The following RELN variants were observed in gnomAD, a reference collection of about 807,000 sequenced individuals.
RELN encodes reelin.
In RELN, 108 loss-of-function variants were observed where a neutral mutation model predicts 427.6. The ratio of observed to expected loss-of-function variants is 0.25; its 90% CI spans 0.22 to 0.30. The LOEUF (loss-of-function observed/expected upper bound fraction) is 0.30, where lower values mean the gene tolerates loss of function less well. RELN is among the 10% of genes least tolerant of loss of function. The probability of loss-of-function intolerance (pLI) is 1.00; values close to 1 mark genes in which losing one functional copy is unlikely to be tolerated. For synonymous variants in RELN, 1,524 were observed against 1,513.4 expected (o/e 1.01, Z -0.16); for missense variants, 3,715 against 4,302.8 (o/e 0.86, Z 3.82).
chr7:103,816,530 A>AAC (rs57873981), intron 3 of RELN, among the ~76,000 whole-genome samples: 40,911 of 143,528 alleles, frequency 0.29, 6,117 homozygotes, highest in Middle Eastern at 0.46. Flanking sequence ...TTTCTCTAGA[A>AAC]ACACACACAC....
At chr7:103,970,727 T>C (rs555844196) in intron 1 of RELN, among the ~76,000 whole-genome samples, 1 of 152,368 alleles carries the variant, frequency 6.6e-6, no homozygotes, top group East Asian at 1.9e-4. Context: ...TATGTATTGA[T>C]GCTTTGATGA....
At chr7:103,967,975 T>G (rs1185657613) in intron 1 of RELN, among the ~76,000 whole-genome samples, 1 of 151,304 alleles carries the variant, frequency 6.6e-6, no homozygotes, top group East Asian at 1.9e-4. Flanking sequence ...TGGGTTTGAT[T>G]TTCAAGTACA....
intron 28 of RELN, 134 bp from the exon 29 acceptor site, chr7:103,575,839 A>T (rs1830987160): frequency 1.0e-6 from 1 of 971,522 alleles, no homozygotes; most frequent in African/African-American, 1.6e-5. Flanking sequence ...ACTGCACTTA[A>T]CCTTCATAAG....
At chr7:103,507,805 A>G (rs961279823) in intron 51 of RELN, among the ~76,000 whole-genome samples, 1 of 152,340 alleles carries the variant, frequency 6.6e-6, no homozygotes, top group South Asian at 2.1e-4. Context: ...ATAAGGAAGA[A>G]AAGAGAGAAG....
intron 3 of RELN, among the ~76,000 whole-genome samples, chr7:103,825,912 T>C (rs2116385808): frequency 6.6e-6 from 1 of 152,168 alleles, no homozygotes; most frequent in East Asian, 1.9e-4. Flanking sequence ...ATGGTTTAAA[T>C]GTGTACCTCA....
intron 11 of RELN, among the ~76,000 whole-genome samples, chr7:103,670,847 G>A (rs17154172): frequency 0.036 from 5,417 of 151,934 alleles, 153 homozygotes; most frequent in East Asian, 0.14. Flanking sequence ...GTCACTAAAC[G>A]TAATGGAACA....
chr7:103,674,092 T>C (rs1562951093), intron 11 of RELN, among the ~76,000 whole-genome samples: 1 of 152,218 alleles, frequency 6.6e-6, no homozygotes, highest in South Asian at 2.1e-4. Context: ...ATACTTAACA[T>C]CTCTTTTTCT....
chr7:103,738,652 C>T (rs1439626895), intron 6 of RELN, among the ~76,000 whole-genome samples: 2 of 143,320 alleles, frequency 1.4e-5, no homozygotes, highest in African/African-American at 5.1e-5. Flanking sequence ...TTGGGTCTGG[C>T]ATCTTTCCTT....
At chr7:103,496,090 C>T (rs767318466) in intron 56 of RELN, among the ~76,000 whole-genome samples, 192 bp from the exon 57 acceptor site, 23 of 152,084 alleles carry the variant, frequency 1.5e-4, no homozygotes, top group African/African-American at 3.1e-4. Flanking sequence ...ATAAATCCAA[C>T]GTGAGAAATC....
chr7:103,741,662 AAAGGGAAG>A (rs59263092), intron 6 of RELN, among the ~76,000 whole-genome samples: 81,464 of 150,632 alleles, frequency 0.54, 22,340 homozygotes, highest in African/African-American at 0.62. Flanking sequence ...AAAGCAAGAG[AAAGGGAAG>A]AAGGGAAGGG....
intron 11 of RELN, among the ~76,000 whole-genome samples, chr7:103,672,634 C>A (rs1833418517): frequency 6.6e-6 from 1 of 152,020 alleles, no homozygotes; most frequent in Non-Finnish European, 1.5e-5. Flanking sequence ...ATATCCAATT[C>A]TTTTAATTAA....
chr7:103,924,991 TACAC>T (rs57662220), intron 1 of RELN, among the ~76,000 whole-genome samples: 2,925 of 48,926 alleles, frequency 0.06, 90 homozygotes, highest in African/African-American at 0.15. Context: ...CGCATACACA[TACAC>T]ACACACACAC....
At chr7:103,960,419 A>G (rs1044582485) in intron 1 of RELN, among the ~76,000 whole-genome samples, 8 of 151,690 alleles carry the variant, frequency 5.3e-5, no homozygotes, top group African/African-American at 1.9e-4. Context: ...CTCCTCCCCA[A>G]CTCCCTATCT....
intron 8 of RELN, among the ~76,000 whole-genome samples, chr7:103,704,270 C>T (rs1245661549): frequency 6.6e-6 from 1 of 152,138 alleles, no homozygotes; most frequent in Admixed American, 6.5e-5. Flanking sequence ...ATGAATTTGT[C>T]ATTTTAATAA....
At chr7:103,521,212 C>T (rs1169963267) in intron 48 of RELN, among the ~76,000 whole-genome samples, 20 of 151,458 alleles carry the variant, frequency 1.3e-4, no homozygotes, top group Non-Finnish European at 2.4e-4. Flanking sequence ...ATCTCCTGAC[C>T]TCATGATCCA....
intron 6 of RELN, among the ~76,000 whole-genome samples, chr7:103,734,949 C>T (rs1475142758): frequency 6.6e-6 from 1 of 152,046 alleles, no homozygotes; most frequent in African/African-American, 2.4e-5. Flanking sequence ...TCATAAAAAA[C>T]ATTAACAGTG....
intron 1 of RELN, among the ~76,000 whole-genome samples, chr7:103,924,650 G>A (rs547133815): frequency 1.3e-5 from 2 of 152,136 alleles, no homozygotes; most frequent in South Asian, 2.1e-4. Flanking sequence ...TCTGTGGAAC[G>A]CTATTATGAT....
At chr7:103,641,547 G>A (rs1026235318) in intron 16 of RELN, among the ~76,000 whole-genome samples, 1 of 152,154 alleles carries the variant, frequency 6.6e-6, no homozygotes, top group Non-Finnish European at 1.5e-5. Context: ...TCAGGTGTCA[G>A]ATAATCCTGG....
chr7:103,848,493 T>C (rs113594412), intron 2 of RELN, among the ~76,000 whole-genome samples: 4 of 152,264 alleles, frequency 2.6e-5, no homozygotes, highest in East Asian at 1.9e-4. Context: ...CAACAGCTAC[T>C]TCCCCCCGAA....
Sources: gnomAD v4.1 joint callset for allele counts (sites outside exome capture counted in the v4.1 genomes callset) on GRCh38, gnomAD v4.1.1 for gene constraint, MANE v1.5 for transcripts, NCBI Gene and HGNC (gene_info 2026-07-23, HGNC 2026-07-21) for gene names.